The following NAA25 variants were observed in gnomAD, a reference collection of about 807,000 sequenced individuals.
NAA25 encodes N-alpha-acetyltransferase 25, NatB auxiliary subunit, also known as N-terminal acetyltransferase B complex subunit NAA25.
Under a neutral mutation model 132.5 loss-of-function variants are expected in NAA25, and 30 were observed. The ratio of observed to expected loss-of-function variants is 0.23; its 90% CI spans 0.17 to 0.31. The LOEUF (loss-of-function observed/expected upper bound fraction) is 0.31. Ranked by LOEUF, NAA25 falls within the 10% of genes least tolerant of loss-of-function variation. NAA25 has a pLI of 1.00. For synonymous variants in NAA25, 359 were observed against 401.9 expected, an observed-to-expected ratio of 0.89 and a Z score of 1.28; for missense variants, 771 against 1,150.4, an observed-to-expected ratio of 0.67 and a Z score of 4.77.
At chr12:112,059,820 T>C (rs2078599139) in intron 13 of NAA25, among the ~76,000 whole-genome samples, 1 of 151,782 alleles carries the variant, frequency 6.6e-6, no homozygotes, top group African/African-American at 2.4e-5. Context: ...GTTTTTTTTT[T>C]TTTTTGAGAC....
At chr12:112,062,316 G>A (rs1486468475) in intron 11 of NAA25, among the ~76,000 whole-genome samples, 3 of 151,372 alleles carry the variant, frequency 2.0e-5, no homozygotes, top group African/African-American at 7.3e-5. Context: ...CAGGAGAATC[G>A]CTTGAACCTG....
At chr12:112,088,592 T>C (rs1346085672) in intron 3 of NAA25, among the ~76,000 whole-genome samples, 1 of 151,662 alleles carries the variant, frequency 6.6e-6, no homozygotes, top group South Asian at 2.1e-4. Context: ...TTTCCCCTTA[T>C]AGACAATGAG....
rs1593791699 is a variant in NAA25 at position 112,068,305 on chromosome 12, G to A, written c.1149+575C>T. ...GGGGGAGGTGGCTATTGTTATTAAAGGGTAGCATGTGGGATTCTGGTGGTG... is the reference window on the plus strand; with the variant it reads ...GGGGGAGGTGGCTATTGTTATTAAAAGGTAGCATGTGGGATTCTGGTGGTG... On this transcript the variant is annotated intron_variant, in intron 11 of 23. Transcript: ENST00000261745. 2.6e-5 allele frequency among the ~76,000 whole-genome samples: 4 copies of A among 152,126 alleles called. No homozygotes were observed. The South Asian group carries it at 8.3e-4, about 31-fold the overall frequency.
At chr12:112,058,156 T>TA (rs77520297) in intron 13 of NAA25, among the ~76,000 whole-genome samples, 260 of 129,304 alleles carry the variant, frequency 2.0e-3, no homozygotes, top group African/African-American at 3.6e-3. Flanking sequence ...CAAAACAAAC[T>TA]AAAAAAAAAA....
At chr12:112,033,837 T>C (rs1372296412) in intron 22 of NAA25, 1 of 151,838 alleles carries the variant, frequency 6.6e-6, no homozygotes, top group Non-Finnish European at 1.5e-5. Context: ...AACATTATTA[T>C]GTTAAGAACC....
chr12:112,100,694 G>T (rs536683195), intron 1 of NAA25, among the ~76,000 whole-genome samples: 1 of 139,236 alleles, frequency 7.2e-6, no homozygotes, highest in Admixed American at 8.3e-5. Flanking sequence ...ATCTTGGCTC[G>T]CTGCATGCTC....
At chr12:112,100,797 T>G (rs2079284323) in intron 1 of NAA25, among the ~76,000 whole-genome samples, 1 of 151,680 alleles carries the variant, frequency 6.6e-6, no homozygotes, top group Non-Finnish European at 1.5e-5. Flanking sequence ...TTTTTTGTAT[T>G]TTTAGTGGAG....
rs1256144613 is a variant in NAA25, at chr12:112,027,691, T to C, written c.*1840A>G. On this transcript the variant is annotated 3_prime_UTR_variant, in exon 24 of 24. Transcript: ENST00000261745. The stretch of plus-strand genomic sequence containing the variant: ...ACTTTTTCAAAGAGCATTTCTACAG[T>C]ACAGTACTTTTTTGGATATTCAGAG... The C allele has an allele frequency of 6.6e-6, 1 of 152,196 alleles. No homozygotes were observed. Among genetic ancestry groups the C allele is most frequent in the Non-Finnish European group, 1.5e-5 (1 of 68,028 alleles). The allele number at this position is 152,196 out of a possible 1,614,324, so 9.4% of individuals were successfully genotyped here. A position where few individuals can be genotyped will look rare whatever the true frequency, so the allele number is the denominator to read the frequency against.
rs2078114266 is a variant in NAA25, at chr12:112,028,837, C to G, written c.*694G>C. The G allele has an allele frequency of 6.6e-6, 1 of 152,190 alleles. No individual in the cohort carries two copies. Among genetic ancestry groups the G allele is most frequent in the Non-Finnish European group, 1.5e-5 (1 of 68,062 alleles). 9.4% of individuals were successfully genotyped at this position (152,190 alleles called of 1,614,324 possible). A position where few individuals can be genotyped will look rare whatever the true frequency, so the allele number is the denominator to read the frequency against. On this transcript the variant is annotated 3_prime_UTR_variant, in exon 24 of 24. Transcript: ENST00000261745. The stretch of plus-strand genomic sequence containing the variant: ...CTAAACAGCTATAAATTAACAGAGC[C>G]TTCCTTGCCTTCTTACCTGAGATTT...
intron 4 of NAA25, among the ~76,000 whole-genome samples, chr12:112,086,065 TATATATATACAC>T (rs1368470841): frequency 6.0e-5 from 4 of 67,150 alleles, no homozygotes; most frequent in African/African-American, 4.3e-4. Context: ...TATATATATA[TATATATATACAC>T]ACACACACAC....
At chr12:112,099,491 C>A (rs2079260695) in intron 1 of NAA25, among the ~76,000 whole-genome samples, 2 of 152,016 alleles carry the variant, frequency 1.3e-5, no homozygotes, top group Non-Finnish European at 2.9e-5. Flanking sequence ...AAAATATTAA[C>A]TGATAGCACA....
intron 2 of NAA25, among the ~76,000 whole-genome samples, chr12:112,092,680 C>A (rs111535704): frequency 1.1e-4 from 16 of 149,470 alleles, no homozygotes; most frequent in South Asian, 6.3e-4. Context: ...TTTCTCCCCC[C>A]CCTTTTTTTT....
rs986684650 is a variant in NAA25, at chr12:112,049,009, G to T, written c.1729-566C>A. ...GATAGAAGTAAGACACCAAACAAAA[G>T]ACCTATCAAAATTCATGTCATAATC... is the stretch of plus-strand genomic sequence containing the variant. On this transcript the variant is annotated intron_variant, in intron 15 of 23. Transcript: ENST00000261745. The surrounding 1 kb of genome is among the most constrained non-coding windows in gnomAD (Gnocchi z 4.7). Among the ~76,000 whole-genome samples, 15 of 151,804 alleles carry T rather than the reference G, an allele frequency of 9.9e-5. No homozygotes were observed. The highest frequency in any genetic ancestry group is 3.3e-4 in the Admixed American group (5 of 15,178).
intron 1 of NAA25, among the ~76,000 whole-genome samples, chr12:112,100,122 A>G (rs1440029918): frequency 6.6e-6 from 1 of 152,196 alleles, no homozygotes; most frequent in East Asian, 1.9e-4. Context: ...GGATGAACCT[A>G]AAAATGAATA....
At position 112,074,737 on chromosome 12, in the gene NAA25, A is replaced by T. The variant is rs776928479; in HGVS notation, c.804T>A (p.Thr268=). ...KNSDDWQFYL[T]YFDSVFRLIE... The stretch of plus-strand genomic sequence containing the variant: ...TCAGTCGAAAGACAGAATCGAAATA[A>T]GTCAGATAGAACTGCCAGTCATCTG... The change falls in exon 9 of 24, where the codon ACT becomes ACA. Residue 268 remains threonine, a synonymous_variant. Transcript: ENST00000261745. 1.2e-6 allele frequency: 2 copies of T among 1,611,994 alleles called. No individual in the cohort carries two copies. Among genetic ancestry groups the T allele is most frequent in the East Asian group, 4.5e-5 (2 of 44,802 alleles).
chr12:112,103,340 C>CA (rs2136948848), intron 1 of NAA25, among the ~76,000 whole-genome samples: 1 of 152,124 alleles, frequency 6.6e-6, no homozygotes, highest in East Asian at 1.9e-4. Flanking sequence ...AAACTGAACA[C>CA]AAAAATAGTC....
chr12:112,030,699 G>A (rs1435829233), intron 23 of NAA25, among the ~76,000 whole-genome samples: 4 of 152,164 alleles, frequency 2.6e-5, no homozygotes, highest in African/African-American at 7.2e-5. Flanking sequence ...AAGAAACCGG[G>A]AACATACTTT....
chr12:112,086,040 AAAAAAAAAAAAATATATAT>A (rs1306859784), intron 4 of NAA25, among the ~76,000 whole-genome samples: 1 of 84,820 alleles, frequency 1.2e-5, no homozygotes, highest in African/African-American at 7.2e-5. Flanking sequence ...AAAAAAAAAA[AAAAAAAAAAAAATATATAT>A]ATATATATAT....
At chr12:112,054,312 A>T in intron 14 of NAA25, 76 bp downstream of exon 14, 1 of 1,308,206 alleles carries the variant, frequency 7.6e-7, no homozygotes. Flanking sequence ...AATCAACTTT[A>T]AAATCTAAGT....
Sources: allele counts gnomAD v4.1 joint callset (sites outside exome capture counted in the v4.1 genomes callset), GRCh38; gene constraint gnomAD v4.1.1; non-coding constraint Gnocchi (gnomAD v3.1); transcripts MANE v1.5; gene names NCBI Gene and HGNC (gene_info 2026-07-23, HGNC 2026-07-21).